The following RANBP2 variants were observed in gnomAD, a reference collection of about 807,000 sequenced individuals.
RANBP2 encodes the protein RAN binding protein 2.
RANBP2 carries 57 observed loss-of-function variants against 303.6 expected under a neutral mutation model. The ratio of observed to expected loss-of-function variants is 0.19; its 90% CI spans 0.15 to 0.23. RANBP2 has a LOEUF of 0.23. Ranked by LOEUF, RANBP2 falls within the 10% of genes least tolerant of loss-of-function variation. The pLI, the probability that RANBP2 is intolerant of heterozygous loss-of-function variation, is 1.00. For synonymous variants in RANBP2, 1,167 were observed against 1,301.5 expected, an observed-to-expected ratio of 0.90 and a Z score of 2.23; for missense variants, 3,138 against 3,780.8, an observed-to-expected ratio of 0.83 and a Z score of 4.46.
chr2:109,799,325 G>T, the RANBP2 span, among the ~76,000 whole-genome samples: 1 of 77,652 alleles, frequency 1.3e-5, no homozygotes, highest in Non-Finnish European at 2.3e-5. Context: ...TGTTAAGATT[G>T]CTATAGTTCT....
At chr2:109,131,903 G>A in the RANBP2 span, among the ~76,000 whole-genome samples, 6 of 152,270 alleles carry the variant, frequency 3.9e-5, no homozygotes, top group South Asian at 1.2e-3. Flanking sequence ...GTCCCGCATG[G>A]TGTATTCACA....
At chr2:109,041,436 C>A in the RANBP2 span, among the ~76,000 whole-genome samples, 3 of 151,950 alleles carry the variant, frequency 2.0e-5, no homozygotes, top group Non-Finnish European at 4.4e-5. Flanking sequence ...CACTAGAGAT[C>A]TTCTTGTAGT....
At chr2:109,164,262 G>A in the RANBP2 span, among the ~76,000 whole-genome samples, 3 of 151,852 alleles carry the variant, frequency 2.0e-5, no homozygotes, top group Admixed American at 6.6e-5. Flanking sequence ...AACTCACTGC[G>A]GCCTCGGCCT....
At chr2:109,355,052 G>C in the RANBP2 span, among the ~76,000 whole-genome samples, 15 of 152,244 alleles carry the variant, frequency 9.9e-5, no homozygotes, top group African/African-American at 3.1e-4. Context: ...CAATCCTTTA[G>C]GACCACCCTG....
At chr2:109,283,709 A>G in the RANBP2 span, among the ~76,000 whole-genome samples, 1 of 152,004 alleles carries the variant, frequency 6.6e-6, no homozygotes, top group Non-Finnish European at 1.5e-5. Context: ...AAAATTTGAG[A>G]ATTGGGGATG....
At chr2:108,826,821 G>C in the RANBP2 span, among the ~76,000 whole-genome samples, 1 of 152,170 alleles carries the variant, frequency 6.6e-6, no homozygotes, top group East Asian at 1.9e-4. Flanking sequence ...TGAATCTGTG[G>C]ATTAATTTGA....
chr2:108,891,356 T>G, the RANBP2 span, among the ~76,000 whole-genome samples: 1 of 152,174 alleles, frequency 6.6e-6, no homozygotes, highest in Non-Finnish European at 1.5e-5. Context: ...TATCTATGGT[T>G]TTGGTTGAGT....
chr2:109,155,778 C>T, the RANBP2 span, among the ~76,000 whole-genome samples: 1 of 152,178 alleles, frequency 6.6e-6, no homozygotes, highest in Admixed American at 6.5e-5. Context: ...TCATAGCACA[C>T]GTGCTGGTGT....
chr2:109,359,867 G>A, the RANBP2 span, among the ~76,000 whole-genome samples: 3 of 152,076 alleles, frequency 2.0e-5, no homozygotes, highest in Non-Finnish European at 2.9e-5. Context: ...ACCATAAAGG[G>A]TCATAAAATG....
the RANBP2 span, among the ~76,000 whole-genome samples, chr2:109,317,055 A>T: frequency 4.0e-5 from 6 of 151,888 alleles, no homozygotes; most frequent in Admixed American, 6.5e-5. Context: ...TCACCTCCTG[A>T]GGCTATCTTG....
At chr2:109,400,797 C>A in the RANBP2 span, among the ~76,000 whole-genome samples, 3 of 152,236 alleles carry the variant, frequency 2.0e-5, no homozygotes, top group Non-Finnish European at 4.4e-5. Flanking sequence ...ACCGTGCAGT[C>A]ATCTGCCCCC....
At chr2:108,772,784 G>C (rs1677599775) in intron 22 of RANBP2, 84 bp from the exon 23 acceptor site, 7 of 1,436,124 alleles carry the variant, frequency 4.9e-6, no homozygotes, top group Non-Finnish European at 5.8e-6. Context: ...ACCTGGGTCT[G>C]TGGATTATGT....
chr2:109,673,015 TA>T, the RANBP2 span, among the ~76,000 whole-genome samples: 1 of 152,208 alleles, frequency 6.6e-6, no homozygotes, highest in Admixed American at 6.5e-5. Context: ...AAACTTGAGA[TA>T]TATAGAGTTA....
chr2:109,010,597 G>A, the RANBP2 span, among the ~76,000 whole-genome samples: 296 of 152,244 alleles, frequency 1.9e-3, 9 homozygotes, highest in South Asian at 0.057. Flanking sequence ...ACGTGGTGGC[G>A]AGAGGGAGCT....
chr2:109,356,606 C>A, the RANBP2 span, among the ~76,000 whole-genome samples: 1 of 152,208 alleles, frequency 6.6e-6, no homozygotes, highest in East Asian at 1.9e-4. Flanking sequence ...AGGCCCATCC[C>A]AGGGCTTGGC....
intron 4 of RANBP2, chr2:108,731,832 A>G (rs1348132064): frequency 4.4e-6 from 1 of 228,224 alleles, no homozygotes. Context: ...GATATTTTAA[A>G]GAAGTGTTTT....
the RANBP2 span, among the ~76,000 whole-genome samples, chr2:109,243,175 G>A: frequency 6.6e-6 from 1 of 152,264 alleles, no homozygotes; most frequent in East Asian, 1.9e-4. Flanking sequence ...TAAGGGCTGA[G>A]GAAAGCTTCT....
the RANBP2 span, among the ~76,000 whole-genome samples, chr2:109,064,380 C>T: frequency 2.3e-5 from 3 of 131,822 alleles, no homozygotes; most frequent in Admixed American, 9.5e-5. Context: ...GGTATGAACC[C>T]GGGAGGCGGA....
the RANBP2 span, among the ~76,000 whole-genome samples, chr2:109,155,586 C>A: frequency 6.6e-6 from 1 of 152,200 alleles, no homozygotes; most frequent in Non-Finnish European, 1.5e-5. Flanking sequence ...CAGGCCTGAG[C>A]CACCGTGCCT....
Sources: gnomAD v4.1 joint callset for allele counts (sites outside exome capture counted in the v4.1 genomes callset) on GRCh38, gnomAD v4.1.1 for gene constraint, MANE v1.5 for transcripts, NCBI Gene and HGNC (gene_info 2026-07-23, HGNC 2026-07-21) for gene names.